The following KCNJ10 variants were observed in gnomAD, a reference collection of about 807,000 sequenced individuals.
KCNJ10 encodes ATP-sensitive inward rectifier potassium channel 10.
A neutral mutation model predicts 22.2 loss-of-function variants in KCNJ10; 9 were observed. The observed-to-expected ratio is 0.40, with a 90% CI of 0.24 to 0.71. The LOEUF (loss-of-function observed/expected upper bound fraction) is 0.71, where lower values mean the gene tolerates loss of function less well. KCNJ10 is among the 30% of genes least tolerant of loss of function. KCNJ10 has a pLI of 0.35. For synonymous variants in KCNJ10, 184 were observed against 187.3 expected (o/e 0.98, Z 0.15); for missense variants, 337 against 482.7 (o/e 0.70, Z 2.83).
chr1:160,049,710 TA>T, intron 1 of KCNJ10, among the ~76,000 whole-genome samples: 1 of 129,256 alleles, frequency 7.7e-6, no homozygotes, highest in African/African-American at 2.9e-5. Flanking sequence ...TATATATATA[TA>T]TATATATATG....
chr1:160,069,889 G>C (rs1043073836), intron 1 of KCNJ10, 133 bp downstream of exon 1: 3 of 152,608 alleles, frequency 2.0e-5, no homozygotes, highest in African/African-American at 7.2e-5. Context: ...GGAGGCAGGG[G>C]AACAAGACGG....
chr1:160,069,805 T>C (rs1557976483), intron 1 of KCNJ10, among the ~76,000 whole-genome samples: 1 of 152,158 alleles, frequency 6.6e-6, no homozygotes, highest in Non-Finnish European at 1.5e-5. Context: ...ATGAAAGGGC[T>C]GAGGTGACCA....
At chr1:160,049,587 G>A (rs991986467) in intron 1 of KCNJ10, among the ~76,000 whole-genome samples, 2 of 147,562 alleles carry the variant, frequency 1.4e-5, no homozygotes, top group Non-Finnish European at 3.0e-5. Flanking sequence ...AACTATACCC[G>A]TAATGGCACC....
At chr1:160,061,727 C>A (rs1005602147) in intron 1 of KCNJ10, among the ~76,000 whole-genome samples, 4 of 93,276 alleles carry the variant, frequency 4.3e-5, no homozygotes, top group African/African-American at 1.7e-4. Flanking sequence ...GAGATGCCTG[C>A]GGCCGTGGAG....
intron 1 of KCNJ10, among the ~76,000 whole-genome samples, chr1:160,067,461 T>G (rs1479822555): frequency 6.6e-6 from 1 of 152,208 alleles, no homozygotes; most frequent in African/African-American, 2.4e-5. Flanking sequence ...GCTAAAACAC[T>G]TAGATTTTAA....
intron 1 of KCNJ10, among the ~76,000 whole-genome samples, chr1:160,067,472 A>G (rs1649347298): frequency 6.6e-6 from 1 of 152,128 alleles, no homozygotes; most frequent in Non-Finnish European, 1.5e-5. Flanking sequence ...TAGATTTTAA[A>G]TCTCCCTTTC....
chr1:160,063,260 G>A (rs1415948805), intron 1 of KCNJ10, among the ~76,000 whole-genome samples: 5 of 152,232 alleles, frequency 3.3e-5, no homozygotes, highest in Non-Finnish European at 7.3e-5. Flanking sequence ...GGGCCAGAAG[G>A]CATGATCTGG....
chr1:160,065,817 T>C (rs1649312447), intron 1 of KCNJ10, among the ~76,000 whole-genome samples: 1 of 152,094 alleles, frequency 6.6e-6, no homozygotes, highest in African/African-American at 2.4e-5. Context: ...AAACTGATGC[T>C]TCATGATGAC....
rs56656397 is a variant in KCNJ10, at chr1:160,039,373, G to GACACACACACACAC, written c.*2006_*2019dup. ...ACTTGGCAATGGATAGGAAGGTATA[G>GACACACACACACAC]ACACACACACACACACACACACACA... is the stretch of plus-strand genomic sequence containing the variant. On this transcript the variant is annotated 3_prime_UTR_variant, in exon 2 of 2. Transcript: ENST00000644903. 7.4e-5 allele frequency: 10 copies of GACACACACACACAC among 134,952 alleles called. No individual in the cohort carries two copies. Among genetic ancestry groups the GACACACACACACAC allele is most frequent in the South Asian group, 2.5e-4 (1 of 3,946 alleles). 8.4% of individuals were successfully genotyped at this position (134,952 alleles called of 1,614,324 possible).
At chr1:160,047,537 T>C (rs1222425412) in intron 1 of KCNJ10, among the ~76,000 whole-genome samples, 1 of 152,222 alleles carries the variant, frequency 6.6e-6, no homozygotes, top group African/African-American at 2.4e-5. Context: ...TTTCTACCTT[T>C]GGACCTGCTT....
chr1:160,048,611 G>C (rs115154790), intron 1 of KCNJ10, among the ~76,000 whole-genome samples: 1 of 152,130 alleles, frequency 6.6e-6, no homozygotes. Flanking sequence ...AGGAGCTTTG[G>C]GATATGAATA....
At chr1:160,061,553 G>A (rs1649192627) in intron 1 of KCNJ10, among the ~76,000 whole-genome samples, 1 of 152,088 alleles carries the variant, frequency 6.6e-6, no homozygotes, top group Non-Finnish European at 1.5e-5. Context: ...AGTGCAGCAA[G>A]AGGCTGTGTC....
intron 1 of KCNJ10, among the ~76,000 whole-genome samples, chr1:160,046,131 T>C (rs1000403551): frequency 6.6e-6 from 1 of 152,236 alleles, no homozygotes. Flanking sequence ...GATCCTTTAC[T>C]GAAGTCCTAG....
chr1:160,054,510 T>C (rs1333714441), intron 1 of KCNJ10, among the ~76,000 whole-genome samples: 2 of 152,224 alleles, frequency 1.3e-5, no homozygotes, highest in Non-Finnish European at 2.9e-5. Flanking sequence ...ATGGCATCTA[T>C]AGAAATAACT....
At chr1:160,056,546 C>A (rs1193475697) in intron 1 of KCNJ10, among the ~76,000 whole-genome samples, 1 of 152,214 alleles carries the variant, frequency 6.6e-6, no homozygotes, top group Non-Finnish European at 1.5e-5. Context: ...CTTCAAGGCC[C>A]TTCCCCAGTG....
At chr1:160,052,919 G>A (rs1648936957) in intron 1 of KCNJ10, among the ~76,000 whole-genome samples, 1 of 152,122 alleles carries the variant, frequency 6.6e-6, no homozygotes, top group Non-Finnish European at 1.5e-5. Flanking sequence ...AGATTTTGAG[G>A]GAAAATGTTG....
At chr1:160,048,227 G>GGGCTGCAGTTTTTATCT (rs1648793355) in intron 1 of KCNJ10, among the ~76,000 whole-genome samples, 1 of 151,948 alleles carries the variant, frequency 6.6e-6, no homozygotes, top group African/African-American at 2.4e-5. Context: ...GACGGGCCAA[G>GGGCTGCAGTTTTTATCT]GCCTCACAGG....
rs137853074 is a variant in KCNJ10 at position 160,041,491 on chromosome 1, G to A, written c.1042C>T (p.Arg348Cys). 1.3e-4 allele frequency: 208 copies of A among 1,614,096 alleles called. No individual in the cohort carries two copies. The highest frequency in any genetic ancestry group is 1.1e-3 in the East Asian group (50 of 44,884). ...TTGAGCTTTTCAGGGTCTCCGTAGC[G>A]TACAGTGCTGTCACGGAGGCCACTA... ...SPSGLRDSTVRYGDPEKLKLE... is the reference protein window; with the variant it reads ...SPSGLRDSTVCYGDPEKLKLE... Residue 348 changes from arginine to cysteine, a missense_variant, in exon 2 of 2, where the codon CGC becomes TGC. Physicochemically the swap from Arg to Cys is radical, Grantham distance 180. Transcript: ENST00000644903. The surrounding 1 kb of genome is among the most constrained non-coding windows in gnomAD (Gnocchi z 4.4).
rs927662373 is a variant in KCNJ10, at chr1:160,040,836, C to T, written c.*557G>A. Reference sequence around the variant, plus strand: ...CTAGCTTATGGTCAGAAGTCACCAGCAGAAATCAAGCTTCACAGTGGCAAA... The same window carrying T: ...CTAGCTTATGGTCAGAAGTCACCAGTAGAAATCAAGCTTCACAGTGGCAAA... On this transcript the variant is annotated 3_prime_UTR_variant, in exon 2 of 2. Transcript: ENST00000644903. 16 of 376,862 alleles carry T rather than the reference C, an allele frequency of 4.2e-5. No individual in the cohort carries two copies. Among genetic ancestry groups the T allele is most frequent in the African/African-American group, 3.1e-4 (15 of 48,260 alleles). The allele number at this position is 376,862 out of a possible 1,614,324, so 23.3% of individuals were successfully genotyped here. A position where few individuals can be genotyped will look rare whatever the true frequency, so the allele number is the denominator to read the frequency against.
Sources: allele counts gnomAD v4.1 joint callset (sites outside exome capture counted in the v4.1 genomes callset), GRCh38; gene constraint gnomAD v4.1.1; non-coding constraint Gnocchi (gnomAD v3.1); transcripts MANE v1.5; gene names NCBI Gene and HGNC (gene_info 2026-07-23, HGNC 2026-07-21).